The following PCMTD1 variants were observed in gnomAD, a reference collection of about 807,000 sequenced individuals.
The protein encoded by PCMTD1 is protein-L-isoaspartate (D-aspartate) O-methyltransferase domain containing 1.
A neutral mutation model predicts 37.6 loss-of-function variants in PCMTD1; 12 were observed. The ratio of observed to expected loss-of-function variants is 0.32; its 90% CI spans 0.20 to 0.52. The LOEUF (loss-of-function observed/expected upper bound fraction) is 0.52, where lower values mean the gene tolerates loss of function less well. PCMTD1 is among the 20% of genes least tolerant of loss of function. The probability of loss-of-function intolerance (pLI) is 0.97; values close to 1 mark genes in which losing one functional copy is unlikely to be tolerated. For synonymous variants in PCMTD1, 117 were observed against 135.8 expected, an observed-to-expected ratio of 0.86 and a Z score of 0.96; for missense variants, 235 against 421.3, an observed-to-expected ratio of 0.56 and a Z score of 3.87.
At chr8:51,857,268 G>A (rs756319438) in intron 2 of PCMTD1, among the ~76,000 whole-genome samples, 12 of 152,320 alleles carry the variant, frequency 7.9e-5, no homozygotes, top group Non-Finnish European at 1.6e-4. Flanking sequence ...AGTGCTGGAT[G>A]GCACTAGCAG....
chr8:51,855,122 C>T (rs751458258), intron 2 of PCMTD1, among the ~76,000 whole-genome samples: 19 of 139,858 alleles, frequency 1.4e-4, no homozygotes, highest in South Asian at 2.2e-4. Context: ...TGCAGTGAGC[C>T]GAGATCATGC....
chr8:51,892,110 T>C (rs2038944420), intron 1 of PCMTD1, among the ~76,000 whole-genome samples: 1 of 152,226 alleles, frequency 6.6e-6, no homozygotes, highest in Admixed American at 6.5e-5. Context: ...GTAATTTAAA[T>C]CTTATTTCTG....
chr8:51,827,371 T>C, intron 5 of PCMTD1: 1 of 826,472 alleles, frequency 1.2e-6, no homozygotes, highest in Non-Finnish European at 1.8e-6. Context: ...TCTGAAAATA[T>C]TAAATGGAAA....
At chr8:51,837,509 A>C (rs1395346627) in intron 3 of PCMTD1, among the ~76,000 whole-genome samples, 1 of 152,178 alleles carries the variant, frequency 6.6e-6, no homozygotes. Flanking sequence ...CTACAAAGAA[A>C]ACTGTAACAC....
At chr8:51,894,259 C>G (rs1228673712) in intron 1 of PCMTD1, among the ~76,000 whole-genome samples, 2 of 152,114 alleles carry the variant, frequency 1.3e-5, no homozygotes, top group Admixed American at 6.5e-5. Context: ...TTTGGAACAG[C>G]TGCTGGGACA....
intron 3 of PCMTD1, among the ~76,000 whole-genome samples, chr8:51,835,194 T>C (rs1389243801): frequency 6.6e-6 from 1 of 152,354 alleles, no homozygotes; most frequent in South Asian, 2.1e-4. Flanking sequence ...TTTGAAATCC[T>C]GTATCTGTGT....
chr8:51,872,511 G>C (rs1250894566), intron 1 of PCMTD1, among the ~76,000 whole-genome samples: 1 of 151,968 alleles, frequency 6.6e-6, no homozygotes, highest in African/African-American at 2.4e-5. Context: ...CTCTAACTCA[G>C]GAAAAGTCTA....
intron 5 of PCMTD1, 148 bp downstream of exon 5, chr8:51,831,296 C>CAAAAA: frequency 5.1e-6 from 3 of 591,068 alleles, no homozygotes; most frequent in East Asian, 4.0e-5. Context: ...AGACTGTCTC[C>CAAAAA]AAAAAAAAAA....
rs1166051345 is a variant in PCMTD1, at chr8:51,867,139, G to A, written c.-95-5893C>T. Among the ~76,000 whole-genome samples, 4 of 152,022 alleles carry A rather than the reference G, an allele frequency of 2.6e-5. No individual in the cohort carries two copies. The East Asian group carries it at 5.8e-4, about 22-fold the overall frequency. On this transcript the variant is annotated intron_variant, in intron 1 of 5. Transcript: ENST00000522514. ...AAATGCAAATTAAAACCCAAAATGA[G>A]TTATCACTTTACACCTGTCAGAATG...
intron 2 of PCMTD1, among the ~76,000 whole-genome samples, chr8:51,848,385 A>T (rs2038254857): frequency 6.6e-6 from 1 of 152,152 alleles, no homozygotes; most frequent in African/African-American, 2.4e-5. Context: ...AGATCAATTA[A>T]AAAGGTCAAT....
intron 3 of PCMTD1, among the ~76,000 whole-genome samples, chr8:51,839,850 TTC>T (rs1481875081): frequency 2.6e-5 from 4 of 152,284 alleles, no homozygotes; most frequent in East Asian, 1.9e-4. Context: ...ATCAAAAAAC[TTC>T]TTTTTCTTGA....
rs1224389306 is a variant in PCMTD1 at position 51,817,895 on chromosome 8, A to C, written c.*2456T>G. The C allele has an allele frequency of 2.2e-6, 1 of 456,828 alleles. No homozygotes were observed. 28.3% of individuals were successfully genotyped at this position (456,828 alleles called of 1,614,324 possible). On this transcript the variant is annotated 3_prime_UTR_variant, in exon 6 of 6. Coordinates refer to ENST00000522514, the MANE Select transcript of PCMTD1 (RefSeq NM_052937.4). ...CTAACTCACTGTATGTTTCAGGCAA[A>C]ACATGCCACGGTTCTAGGTCTGTTT...
At chr8:51,841,948 T>C (rs754639945) in intron 3 of PCMTD1, among the ~76,000 whole-genome samples, 3 of 152,204 alleles carry the variant, frequency 2.0e-5, no homozygotes, top group Non-Finnish European at 4.4e-5. Flanking sequence ...GGCATTTGCA[T>C]CCAGTTTTAT....
intron 1 of PCMTD1, among the ~76,000 whole-genome samples, chr8:51,879,846 T>C (rs978787656): frequency 7.2e-5 from 11 of 151,986 alleles, no homozygotes; most frequent in African/African-American, 2.7e-4. Flanking sequence ...GATAGCCAAA[T>C]TTATAAGAAT....
chr8:51,887,218 T>C (rs1345400038), intron 1 of PCMTD1, among the ~76,000 whole-genome samples: 1 of 152,158 alleles, frequency 6.6e-6, no homozygotes, highest in Admixed American at 6.5e-5. Context: ...ATTCGCAGGT[T>C]CCAGGGATTA....
intron 1 of PCMTD1, among the ~76,000 whole-genome samples, chr8:51,895,414 ACAG>A (rs2038985940): frequency 6.6e-6 from 1 of 152,242 alleles, no homozygotes; most frequent in Non-Finnish European, 1.5e-5. Context: ...AGTAGAAAAC[ACAG>A]AAGAGTGTTT....
intron 5 of PCMTD1, among the ~76,000 whole-genome samples, chr8:51,825,056 A>C (rs2037902404): frequency 7.1e-6 from 1 of 141,742 alleles, no homozygotes; most frequent in Non-Finnish European, 1.5e-5. Flanking sequence ...AGATGGATTA[A>C]AGACTTAAAT....
intron 2 of PCMTD1, among the ~76,000 whole-genome samples, chr8:51,857,266 A>T (rs1372247207): frequency 6.6e-6 from 1 of 152,222 alleles, no homozygotes; most frequent in Non-Finnish European, 1.5e-5. Context: ...ACAGTGCTGG[A>T]TGGCACTAGC....
rs5891441 is a variant in PCMTD1 at position 51,891,696 on chromosome 8, GTA to G, written c.-96+7232_-96+7233del. ...AAAAAATATATATATACATATATAT[GTA>G]TATATATATATATAGCTTCAGAAAC... On this transcript the variant is annotated intron_variant, in intron 1 of 5. Coordinates refer to ENST00000522514, the MANE Select transcript of PCMTD1 (RefSeq NM_052937.4). Among the ~76,000 whole-genome samples the G allele has an allele frequency of 8.6e-3, 1,224 of 142,734 alleles. 13 individuals carry two copies. Among genetic ancestry groups the G allele is most frequent in the East Asian group, 0.048 (238 of 4,944 alleles). The allele number at this position is 142,734 out of a possible 152,430, so 93.6% of individuals were successfully genotyped here.
Sources: allele counts gnomAD v4.1 joint callset (sites outside exome capture counted in the v4.1 genomes callset), GRCh38; gene constraint gnomAD v4.1.1; transcripts MANE v1.5; gene names NCBI Gene and HGNC (gene_info 2026-07-23, HGNC 2026-07-21).